DERL2: variants seen among roughly 807,000 people sequenced by gnomAD.
DERL2 encodes derlin-2.
In DERL2, 13 loss-of-function variants were observed where a neutral mutation model predicts 32.0. The observed-to-expected ratio is 0.41, with a 90% confidence interval of 0.26 to 0.65. The LOEUF is 0.65. Ranked by LOEUF, DERL2 falls within the 30% of genes least tolerant of loss-of-function variation. The probability of loss-of-function intolerance (pLI) is 0.35; values close to 1 mark genes in which losing one functional copy is unlikely to be tolerated. For missense variants in DERL2, 208 were observed against 296.3 expected (o/e 0.70, Z 2.19); for synonymous variants, 111 against 104.7 (o/e 1.06, Z -0.37).
rs1285917627 is a variant in DERL2, at chr17:5,474,134, C to CA, written c.*549dup. On this transcript the variant is annotated 3_prime_UTR_variant, in exon 7 of 7. Transcript: ENST00000158771. The surrounding 1 kb of genome is among the most constrained non-coding windows in gnomAD (Gnocchi z 4.3). Reference sequence around the variant, plus strand: ...GTTAGTAAGATGTACACAACCACAGCATGACAGCCACGTATTTCCAATCCT... The same window carrying CA: ...GTTAGTAAGATGTACACAACCACAGCAATGACAGCCACGTATTTCCAATCCT... The CA allele has an allele frequency of 6.6e-6, 1 of 152,342 alleles. No individual in the cohort carries two copies. Among genetic ancestry groups the CA allele is most frequent in the Admixed American group, 6.5e-5 (1 of 15,308 alleles). The allele number at this position is 152,342 out of a possible 1,614,324, so 9.4% of individuals were successfully genotyped here.
rs1905797312 is a variant in DERL2 at position 5,481,716 on chromosome 17, A to G, written c.234-327T>C. Among the ~76,000 whole-genome samples, 1 of 151,338 alleles carries G rather than the reference A, an allele frequency of 6.6e-6. No homozygotes were observed. The highest frequency in any genetic ancestry group is 2.1e-4 in the South Asian group (1 of 4,808). The stretch of plus-strand genomic sequence containing the variant: ...CTAGGATGGAGTGCAATGGTGCCAT[A>G]TCGGCTCACTGCAAGCTCCGCCTCT... On this transcript the variant is annotated intron_variant, in intron 3 of 6. Coordinates refer to ENST00000158771, the MANE Select transcript of DERL2 (RefSeq NM_016041.5). This position sits in a 1 kb window ranked among gnomAD's most constrained non-coding sequence, Gnocchi z 4.4.
Position 5,472,007 on chromosome 17 carries a change from A to G in DERL2, c.*2677T>C, listed in dbSNP as rs1905145416. 1 of 152,246 alleles carries G rather than the reference A, an allele frequency of 6.6e-6. No homozygotes were observed. The highest frequency in any genetic ancestry group is 1.5e-5 in the Non-Finnish European group (1 of 68,042). The allele number at this position is 152,246 out of a possible 1,614,324, so 9.4% of individuals were successfully genotyped here. A position where few individuals can be genotyped will look rare whatever the true frequency, so the allele number is the denominator to read the frequency against. On this transcript the variant is annotated 3_prime_UTR_variant, in exon 7 of 7. Coordinates refer to ENST00000158771, the MANE Select transcript of DERL2 (RefSeq NM_016041.5). ...CAAGAGGTATGAAAGATATGAGGAC[A>G]TACAAGAGTGACACAGAAAAAACAA...
intron 6 of DERL2, among the ~76,000 whole-genome samples, chr17:5,477,143 C>T (rs1438071768): frequency 6.6e-6 from 1 of 152,182 alleles, no homozygotes; most frequent in Non-Finnish European, 1.5e-5. Context: ...GTGGTACATT[C>T]ATACAACCAA....
At position 5,481,237 on chromosome 17, in the gene DERL2, G is replaced by A. The variant is rs1377228439; in HGVS notation, c.327+59C>T. Reference sequence around the variant, plus strand: ...GAGAACTGTGGGAGACAGATGACAAGCTTTAGGAAGAGCCAGGGTGTTCTT... The same window carrying A: ...GAGAACTGTGGGAGACAGATGACAAACTTTAGGAAGAGCCAGGGTGTTCTT... On this transcript the variant is annotated intron_variant, in intron 4 of 6. Coordinates refer to ENST00000158771, the MANE Select transcript of DERL2 (RefSeq NM_016041.5). The surrounding 1 kb of genome is among the most constrained non-coding windows in gnomAD (Gnocchi z 4.4). The A allele has an allele frequency of 1.3e-5, 16 of 1,246,404 alleles. No homozygotes were observed. The highest frequency in any genetic ancestry group is 1.8e-5 in the Non-Finnish European group (15 of 844,934). The allele number at this position is 1,246,404 out of a possible 1,614,324, so 77.2% of individuals were successfully genotyped here.
Position 5,471,577 on chromosome 17 carries a change from CT to C in DERL2, c.*3106del, listed in dbSNP as rs1905128949. On this transcript the variant is annotated 3_prime_UTR_variant, in exon 7 of 7. Coordinates refer to ENST00000158771, the MANE Select transcript of DERL2 (RefSeq NM_016041.5). ...ACTGAAGAGACTTAAGTTGAGGTCC[CT>C]GTTAGGTAGAAGTGGGAGTAAAGTT... The C allele has an allele frequency of 6.6e-6, 1 of 152,058 alleles. No homozygotes were observed. Among genetic ancestry groups the C allele is most frequent in the African/African-American group, 2.4e-5 (1 of 41,392 alleles). 9.4% of individuals were successfully genotyped at this position (152,058 alleles called of 1,614,324 possible).
In DERL2 at chr17:5,472,112, T is replaced by C. The variant is rs1905150479; in HGVS notation, c.*2572A>G. The C allele has an allele frequency of 6.6e-6, 1 of 152,246 alleles. No individual in the cohort carries two copies. Among genetic ancestry groups the C allele is most frequent in the Admixed American group, 6.5e-5 (1 of 15,288 alleles). The allele number at this position is 152,246 out of a possible 1,614,324, so 9.4% of individuals were successfully genotyped here. ...ATATAAAATGTATCTCCTAAGGAGA[T>C]GCAATTTGTATGTCCATTTATTTTT... is the stretch of plus-strand genomic sequence containing the variant. On this transcript the variant is annotated 3_prime_UTR_variant, in exon 7 of 7. Coordinates refer to ENST00000158771, the MANE Select transcript of DERL2 (RefSeq NM_016041.5).
chr17:5,486,081 G>A lies in DERL2; in HGVS notation c.81C>T (p.Thr27=). The change falls in exon 1 of 7, where the codon ACC becomes ACT. Residue 27 remains threonine (T), a synonymous_variant. Transcript: ENST00000158771. ...TGCAGCTGCTCACCACGGCGGCGGTGGTGAGGACGCAGGCAGTGGTGTAGG... is the reference window on the plus strand; with the variant it reads ...TGCAGCTGCTCACCACGGCGGCGGTAGTGAGGACGCAGGCAGTGGTGTAGG... ...SRAYTTACVL[T]TAAVQLELIT... 1 of 1,611,198 alleles carries A rather than the reference G, an allele frequency of 6.2e-7. No homozygotes were observed. The highest frequency in any genetic ancestry group is 8.5e-7 in the Non-Finnish European group (1 of 1,178,776).
intron 6 of DERL2, among the ~76,000 whole-genome samples, chr17:5,478,572 T>TAAAC (rs1905542406): frequency 2.0e-5 from 3 of 152,206 alleles, no homozygotes; most frequent in African/African-American, 7.2e-5. Flanking sequence ...GGAAGGCGTT[T>TAAAC]GGCAACAAAA....
chr17:5,474,582 C>T lies in DERL2; in HGVS notation c.*102G>A, dbSNP rs1905269722. On this transcript the variant is annotated 3_prime_UTR_variant, in exon 7 of 7. Transcript: ENST00000158771. This position sits in a 1 kb window ranked among gnomAD's most constrained non-coding sequence, Gnocchi z 4.3. ...AAGTGCTTCTGGAGTTAAAATCTGC[C>T]AAGCTGTCAAAAGTGTCCACACTTT... The T allele has an allele frequency of 8.4e-6, 7 of 833,830 alleles. No individual in the cohort carries two copies. The East Asian group carries it at 1.9e-4, about 22-fold the overall frequency. 51.7% of individuals were successfully genotyped at this position (833,830 alleles called of 1,614,324 possible).
intron 2 of DERL2, among the ~76,000 whole-genome samples, chr17:5,483,173 G>C (rs1805432): frequency 0.1 from 15,238 of 151,984 alleles, 955 homozygotes; most frequent in East Asian, 0.26. Flanking sequence ...GGAAAGACTA[G>C]GTTAATCGGC....
chr17:5,483,087 A>G (rs976941635), intron 2 of DERL2, among the ~76,000 whole-genome samples: 9 of 152,206 alleles, frequency 5.9e-5, no homozygotes, highest in African/African-American at 1.9e-4. Context: ...TCTGAAAGAC[A>G]TCATTGGGAC....
intron 5 of DERL2, 45 bp from the exon 6 acceptor site, chr17:5,480,189 T>G (rs1488856304): frequency 7.1e-7 from 1 of 1,399,564 alleles, no homozygotes. Flanking sequence ...AATTAAAATT[T>G]AGATTGCAGG....
intron 1 of DERL2, chr17:5,485,802 G>A: frequency 5.2e-6 from 2 of 380,984 alleles, no homozygotes; most frequent in Non-Finnish European, 9.4e-6. Context: ...CATTTCTTGG[G>A]TGGGAGGCTC....
At chr17:5,478,760 T>C (rs1462707798) in intron 6 of DERL2, among the ~76,000 whole-genome samples, 2 of 152,220 alleles carry the variant, frequency 1.3e-5, no homozygotes, top group Admixed American at 6.5e-5. Flanking sequence ...ATATCACCTG[T>C]TATAATTTTA....
intron 2 of DERL2, 120 bp downstream of exon 2, chr17:5,485,031 C>A: frequency 1.7e-6 from 1 of 592,028 alleles, no homozygotes; most frequent in South Asian, 3.0e-5. Flanking sequence ...GACAAGGCAA[C>A]TTATAATCAA....
intron 6 of DERL2, among the ~76,000 whole-genome samples, chr17:5,479,496 TAAAAA>T (rs11306765): frequency 0.12 from 8,134 of 68,572 alleles, 237 homozygotes; most frequent in African/African-American, 0.2. Flanking sequence ...AGACTCCATG[TAAAAA>T]AAAAAAAAAA....
In DERL2 at chr17:5,486,138, C is replaced by G; in HGVS notation, c.24G>C (p.Leu8=). The G allele has an allele frequency of 6.2e-7, 1 of 1,609,974 alleles. No individual in the cohort carries two copies. Among genetic ancestry groups the G allele is most frequent in the Non-Finnish European group, 8.5e-7 (1 of 1,178,230 alleles). Residue 8 remains leucine, a synonymous_variant, in exon 1 of 7, where the codon CTG becomes CTC. Transcript: ENST00000158771. MAYQSLR[L]EYLQIPPVSR... is the part of the protein sequence containing the mutation. ...TGACCGGTGGGATCTGCAGGTACTC[C>G]AGCCGCAAGCTCTGGTACGCCATCT...
At position 5,472,640 on chromosome 17, in the gene DERL2, T is replaced by C. The variant is rs1905172277; in HGVS notation, c.*2044A>G. 2 of 152,174 alleles carry C rather than the reference T, an allele frequency of 1.3e-5. No homozygotes were observed. The highest frequency in any genetic ancestry group is 6.5e-5 in the Admixed American group (1 of 15,280). 9.4% of individuals were successfully genotyped at this position (152,174 alleles called of 1,614,324 possible). On this transcript the variant is annotated 3_prime_UTR_variant, in exon 7 of 7. Coordinates refer to ENST00000158771, the MANE Select transcript of DERL2 (RefSeq NM_016041.5). ...CCTAGTCATTAATGTATACAGATAT[T>C]CCCTACTTAAATGAACAGTGAGTTA...
In DERL2 at chr17:5,479,496, T is replaced by TAAA. The variant is rs11306765; in HGVS notation, c.614+555_614+557dup. Among the ~76,000 whole-genome samples the TAAA allele has an allele frequency of 4.2e-3, 293 of 69,396 alleles. 2 individuals carry two copies. The highest frequency in any genetic ancestry group is 9.6e-3 in the Middle Eastern group (1 of 104). The allele number at this position is 69,396 out of a possible 152,430, so 45.5% of individuals were successfully genotyped here. On this transcript the variant is annotated intron_variant, in intron 6 of 6. Coordinates refer to ENST00000158771, the MANE Select transcript of DERL2 (RefSeq NM_016041.5). Reference sequence around the variant, plus strand: ...CTAGGTAACAGAGTGAGACTCCATGTAAAAAAAAAAAAAAAAAAAAAAAAA... The same window carrying TAAA: ...CTAGGTAACAGAGTGAGACTCCATGTAAAAAAAAAAAAAAAAAAAAAAAAAAAA...
Sources: gnomAD v4.1 joint callset for allele counts (sites outside exome capture counted in the v4.1 genomes callset) on GRCh38, gnomAD v4.1.1 for gene constraint, Gnocchi (gnomAD v3.1) non-coding constraint, MANE v1.5 for transcripts, NCBI Gene and HGNC (gene_info 2026-07-23, HGNC 2026-07-21) for gene names.